CDH13: variants seen among roughly 807,000 people sequenced by gnomAD.
CDH13 encodes cadherin 13.
A neutral mutation model predicts 63.8 loss-of-function variants in CDH13; 24 were observed. The ratio of observed to expected loss-of-function variants is 0.38; its 90% CI spans 0.27 to 0.53. The LOEUF is 0.53. CDH13 is among the 20% of genes least tolerant of loss of function. The pLI, the probability that CDH13 is intolerant of heterozygous loss-of-function variation, is 0.85. For synonymous variants in CDH13, 503 were observed against 355.3 expected (o/e 1.42, Z -4.67); for missense variants, 1,049 against 903.1 (o/e 1.16, Z -2.07).
chr16:83,037,336 T>C (rs1916952690), intron 3 of CDH13, among the ~76,000 whole-genome samples: 1 of 152,168 alleles, frequency 6.6e-6, no homozygotes, highest in South Asian at 2.1e-4. Flanking sequence ...AGATTGAAAT[T>C]CTGGCCTCTG....
At chr16:83,602,184 T>C (rs1907911630) in intron 7 of CDH13, among the ~76,000 whole-genome samples, 1 of 120,290 alleles carries the variant, frequency 8.3e-6, no homozygotes, top group Admixed American at 8.5e-5. Context: ...AAATGGAACA[T>C]TCTGTGATAT....
At position 82,905,432 on chromosome 16, in the gene CDH13, C is replaced by CGTGTGTGT. The variant is rs140795057; in HGVS notation, c.157+46988_157+46995dup. 4.5e-4 allele frequency among the ~76,000 whole-genome samples: 64 copies of CGTGTGTGT among 143,616 alleles called. 1 individual carries two copies. The highest frequency in any genetic ancestry group is 8.6e-4 in the African/African-American group (32 of 37,404). 94.2% of individuals were successfully genotyped at this position (143,616 alleles called of 152,430 possible). ...CTTGGGTGTTATACCATGAATCACA[C>CGTGTGTGT]GTGTGTGTGTGTGTGTGTGTGTGTG... On this transcript the variant is annotated intron_variant, in intron 2 of 13. Coordinates refer to ENST00000567109, the MANE Select transcript of CDH13 (RefSeq NM_001257.5).
chr16:83,488,813 T>C (rs948509753), intron 7 of CDH13, among the ~76,000 whole-genome samples: 1 of 152,050 alleles, frequency 6.6e-6, no homozygotes, highest in Non-Finnish European at 1.5e-5. Context: ...TTAGTAGAGA[T>C]GGGGTTTCAC....
chr16:83,649,108 G>C (rs1026023112), intron 8 of CDH13, among the ~76,000 whole-genome samples: 3 of 152,184 alleles, frequency 2.0e-5, no homozygotes, highest in Admixed American at 6.5e-5. Flanking sequence ...ATGAAGTCCA[G>C]CCTCCTCGCC....
intron 5 of CDH13, among the ~76,000 whole-genome samples, chr16:83,249,904 T>C (rs915570817): frequency 4.6e-5 from 7 of 152,218 alleles, no homozygotes. Context: ...CCTCATGTGT[T>C]AATTGAATAA....
At chr16:83,618,163 G>C (rs1387422500) in intron 8 of CDH13, among the ~76,000 whole-genome samples, 1 of 151,742 alleles carries the variant, frequency 6.6e-6, no homozygotes, top group Non-Finnish European at 1.5e-5. Context: ...GGTGGCTCAT[G>C]CCTGTAATAC....
At chr16:83,352,937 A>C (rs567583701) in intron 6 of CDH13, among the ~76,000 whole-genome samples, 4 of 152,324 alleles carry the variant, frequency 2.6e-5, no homozygotes, top group Admixed American at 6.5e-5. Context: ...CTTTGGCAAC[A>C]ATGTGGATGC....
rs1916413172 is a variant in CDH13, at chr16:83,032,100, C to T, written c.248C>T (p.Ala83Val). Residue 83 changes from alanine to valine, a missense_variant, in exon 3 of 14, where the codon GCT becomes GTT. Transcript: ENST00000567109. ...GTGAACAGCGATGGCGGCTTAGTTG[C>T]TCTGAGAAACATAACTGCAGTGGGC... ...FKVNSDGGLV[A>V]LRNITAVGKT... The T allele has an allele frequency of 6.2e-7, 1 of 1,613,174 alleles. No homozygotes were observed.
intron 2 of CDH13, among the ~76,000 whole-genome samples, chr16:83,029,522 G>A (rs962062896): frequency 6.6e-6 from 1 of 150,562 alleles, no homozygotes; most frequent in Admixed American, 6.6e-5. Flanking sequence ...ACAGTGATCA[G>A]TGATTATTGT....
intron 5 of CDH13, among the ~76,000 whole-genome samples, chr16:83,263,302 C>G (rs997053500): frequency 1.3e-5 from 2 of 152,236 alleles, no homozygotes; most frequent in African/African-American, 2.4e-5. Context: ...GCTTGCTCCT[C>G]AAACATTCGG....
chr16:83,471,412 C>T (rs868007018), intron 6 of CDH13, among the ~76,000 whole-genome samples: 4 of 151,878 alleles, frequency 2.6e-5, no homozygotes, highest in South Asian at 4.2e-4. Context: ...GTAGCTAGGA[C>T]TACAGGTGGC....
chr16:82,935,683 C>T (rs189282415), intron 2 of CDH13, among the ~76,000 whole-genome samples: 1 of 152,136 alleles, frequency 6.6e-6, no homozygotes, highest in Non-Finnish European at 1.5e-5. Flanking sequence ...GGAGAGTCAG[C>T]AATAACCCCC....
chr16:82,839,187 G>T (rs943823239), intron 1 of CDH13, among the ~76,000 whole-genome samples: 5 of 152,176 alleles, frequency 3.3e-5, no homozygotes, highest in African/African-American at 1.2e-4. Context: ...AGGCTGCTCT[G>T]TCCTTCCATT....
rs1904276143 is a variant in CDH13 at position 83,795,309 on chromosome 16, C to G, written c.*279C>G. The G allele has an allele frequency of 2.2e-6, 1 of 446,088 alleles. No individual in the cohort carries two copies. The highest frequency in any genetic ancestry group is 2.8e-5 in the South Asian group (1 of 35,142). The allele number at this position is 446,088 out of a possible 1,614,324, so 27.6% of individuals were successfully genotyped here. ...GATCTTCTGGGAGCAGGAACAATGA[C>G]TACTTTTTCTGGTGTGTTAACATGT... On this transcript the variant is annotated 3_prime_UTR_variant, in exon 14 of 14. Transcript: ENST00000567109.
chr16:82,830,405 C>A (rs1213035640), intron 1 of CDH13, among the ~76,000 whole-genome samples: 1 of 152,092 alleles, frequency 6.6e-6, no homozygotes, highest in Non-Finnish European at 1.5e-5. Flanking sequence ...CATCATGGTC[C>A]CCATGGGCAG....
chr16:82,680,052 G>A (rs761214068), intron 1 of CDH13, among the ~76,000 whole-genome samples: 1 of 152,172 alleles, frequency 6.6e-6, no homozygotes, highest in African/African-American at 2.4e-5. Flanking sequence ...GAATTTGCTT[G>A]TCCCTATCCA....
chr16:83,067,856 C>T (rs1301589287), intron 3 of CDH13, among the ~76,000 whole-genome samples: 1 of 152,138 alleles, frequency 6.6e-6, no homozygotes, highest in Non-Finnish European at 1.5e-5. Flanking sequence ...ACCGGAATGT[C>T]TCAGGCCTCC....
intron 1 of CDH13, among the ~76,000 whole-genome samples, chr16:82,813,832 G>T (rs1432327237): frequency 1.3e-5 from 2 of 152,202 alleles, no homozygotes; most frequent in African/African-American, 4.8e-5. Context: ...AGTTCAATCA[G>T]TCTTGGTTTC....
At chr16:83,548,627 A>G (rs2075433155) in intron 7 of CDH13, among the ~76,000 whole-genome samples, 1 of 152,160 alleles carries the variant, frequency 6.6e-6, no homozygotes, top group Non-Finnish European at 1.5e-5. Flanking sequence ...TGTGGTGTCA[A>G]TGGAGACCAG....
Sources: gnomAD v4.1 joint callset for allele counts (sites outside exome capture counted in the v4.1 genomes callset) on GRCh38, gnomAD v4.1.1 for gene constraint, MANE v1.5 for transcripts, NCBI Gene and HGNC (gene_info 2026-07-23, HGNC 2026-07-21) for gene names.